TMEM267: variants seen among roughly 807,000 people sequenced by gnomAD.
The protein encoded by TMEM267 is transmembrane protein 267.
A neutral mutation model predicts 19.3 loss-of-function variants in TMEM267; 20 were observed. That is an observed-to-expected ratio of 1.04 (90% CI 0.73 to 1.51). TMEM267 has a LOEUF of 1.51. TMEM267 is among the 40% of genes most tolerant of loss of function. The pLI, the probability that TMEM267 is intolerant of heterozygous loss-of-function variation, is 0.00. For synonymous variants in TMEM267, 88 were observed against 90.3 expected (o/e 0.97, Z 0.15); for missense variants, 242 against 261.9 (o/e 0.92, Z 0.52).
In TMEM267 at chr5:43,483,865, C is replaced by A. The variant is rs1008730070; in HGVS notation, c.-118G>T. The A allele has an allele frequency of 6.6e-6, 1 of 152,290 alleles. No individual in the cohort carries two copies. Among genetic ancestry groups the A allele is most frequent in the African/African-American group, 2.4e-5 (1 of 41,438 alleles). 9.4% of individuals were successfully genotyped at this position (152,290 alleles called of 1,614,324 possible). A position where few individuals can be genotyped will look rare whatever the true frequency, so the allele number is the denominator to read the frequency against. ...AATCCAGCAGCAGCTCGAGCAGCGG[C>A]TCCGCCCCTCGGTCGGAGCCATAGA... On this transcript the variant is annotated 5_prime_UTR_variant, in exon 1 of 3. Coordinates refer to ENST00000397080, the MANE Select transcript of TMEM267 (RefSeq NM_022483.5).
chr5:43,461,298 T>A (rs6451699), intron 1 of TMEM267, among the ~76,000 whole-genome samples: 73,922 of 151,952 alleles, frequency 0.49, 18,835 homozygotes, highest in Middle Eastern at 0.63. Flanking sequence ...AGGTACTACA[T>A]CAAGGGCCTT....
chr5:43,452,477 TA>T (rs1742662660), intron 2 of TMEM267, among the ~76,000 whole-genome samples: 1 of 150,854 alleles, frequency 6.6e-6, no homozygotes, highest in Non-Finnish European at 1.5e-5. Context: ...AGGTGAGAGA[TA>T]AAATACTATT....
chr5:43,471,245 T>C (rs1228937445), intron 1 of TMEM267, among the ~76,000 whole-genome samples: 1 of 151,920 alleles, frequency 6.6e-6, no homozygotes, highest in African/African-American at 2.4e-5. Flanking sequence ...AAGTGAAAGA[T>C]TTCTATAATG....
chr5:43,464,778 T>C (rs1743532731), intron 1 of TMEM267, among the ~76,000 whole-genome samples: 1 of 152,218 alleles, frequency 6.6e-6, no homozygotes, highest in Non-Finnish European at 1.5e-5. Context: ...ACTGGATCCC[T>C]TCCTTACACC....
chr5:43,471,266 A>G (rs1468516599), intron 1 of TMEM267, among the ~76,000 whole-genome samples: 3 of 152,158 alleles, frequency 2.0e-5, no homozygotes, highest in African/African-American at 7.2e-5. Flanking sequence ...GAAAGTATAA[A>G]ACAGTGAAGA....
At chr5:43,462,166 T>C (rs760355204) in intron 1 of TMEM267, among the ~76,000 whole-genome samples, 4 of 152,172 alleles carry the variant, frequency 2.6e-5, no homozygotes, top group Non-Finnish European at 4.4e-5. Context: ...TTCTCCCATA[T>C]CTTGTCCATG....
chr5:43,474,160 C>T (rs1431326595), intron 1 of TMEM267, among the ~76,000 whole-genome samples: 1 of 152,118 alleles, frequency 6.6e-6, no homozygotes, highest in Admixed American at 6.5e-5. Context: ...ACCATAAAAA[C>T]CCAAGAAGAA....
At chr5:43,481,664 A>G (rs1744777173) in intron 1 of TMEM267, among the ~76,000 whole-genome samples, 1 of 152,076 alleles carries the variant, frequency 6.6e-6, no homozygotes. Context: ...TTGCTGATGA[A>G]AGAGGAAGGA....
intron 1 of TMEM267, among the ~76,000 whole-genome samples, chr5:43,468,450 T>C (rs1743879038): frequency 6.6e-6 from 1 of 152,078 alleles, no homozygotes; most frequent in Admixed American, 6.6e-5. Context: ...GGAGAGTCCA[T>C]TCAGGTGGAA....
At chr5:43,468,629 G>GGAT (rs1330002920) in intron 1 of TMEM267, among the ~76,000 whole-genome samples, 2 of 152,172 alleles carry the variant, frequency 1.3e-5, no homozygotes, top group African/African-American at 4.8e-5. Flanking sequence ...GCTGTGTTAT[G>GGAT]GATGCATCCT....
intron 1 of TMEM267, among the ~76,000 whole-genome samples, chr5:43,472,335 C>G (rs1319158117): frequency 6.6e-6 from 1 of 152,038 alleles, no homozygotes; most frequent in East Asian, 1.9e-4. Context: ...CTTGTACTCT[C>G]TTGGTGGGAA....
chr5:43,453,511 G>A, intron 2 of TMEM267, 147 bp downstream of exon 2: 4 of 689,356 alleles, frequency 5.8e-6, no homozygotes, highest in Non-Finnish European at 9.7e-6. Context: ...TGCATCTTTA[G>A]GCAAGTACTA....
In TMEM267 at chr5:43,445,136, T is replaced by C. The variant is rs1214738877; in HGVS notation, c.*1086A>G. 1 of 152,108 alleles carries C rather than the reference T, an allele frequency of 6.6e-6. No individual in the cohort carries two copies. Among genetic ancestry groups the C allele is most frequent in the Non-Finnish European group, 1.5e-5 (1 of 68,006 alleles). 9.4% of individuals were successfully genotyped at this position (152,108 alleles called of 1,614,324 possible). On this transcript the variant is annotated 3_prime_UTR_variant, in exon 3 of 3. Transcript: ENST00000397080. ...CACTGACTTTAATAAACTGTGCAAA[T>C]ATAAGATGTATAGCAACTAAATTTT...
At chr5:43,466,911 A>C (rs1332054892) in intron 1 of TMEM267, among the ~76,000 whole-genome samples, 1 of 152,070 alleles carries the variant, frequency 6.6e-6, no homozygotes, top group Non-Finnish European at 1.5e-5. Context: ...CACTTTGGGA[A>C]AGCAAGGTGA....
In TMEM267 at chr5:43,444,622, T is replaced by C. The variant is rs1426685985; in HGVS notation, c.*1600A>G. The C allele has an allele frequency of 6.6e-6, 1 of 152,152 alleles. No individual in the cohort carries two copies. Among genetic ancestry groups the C allele is most frequent in the Admixed American group, 6.6e-5 (1 of 15,264 alleles). The allele number at this position is 152,152 out of a possible 1,614,324, so 9.4% of individuals were successfully genotyped here. A position where few individuals can be genotyped will look rare whatever the true frequency, so the allele number is the denominator to read the frequency against. ...GGCCCTATATTTTTAATAATATTTA[T>C]TTGTTTAATATGAAGAAAGAAAAAG... On this transcript the variant is annotated 3_prime_UTR_variant, in exon 3 of 3. Coordinates refer to ENST00000397080, the MANE Select transcript of TMEM267 (RefSeq NM_022483.5).
chr5:43,481,603 T>C (rs1237043854), intron 1 of TMEM267, among the ~76,000 whole-genome samples: 3 of 152,076 alleles, frequency 2.0e-5, no homozygotes, highest in Non-Finnish European at 4.4e-5. Flanking sequence ...ATATATTATA[T>C]ATAATGGGTA....
At chr5:43,467,389 G>C (rs1043773840) in intron 1 of TMEM267, among the ~76,000 whole-genome samples, 1 of 151,964 alleles carries the variant, frequency 6.6e-6, no homozygotes, top group African/African-American at 2.4e-5. Context: ...TGAAGGGATG[G>C]GAAAAGATAT....
chr5:43,470,957 A>G (rs1211457034), intron 1 of TMEM267, among the ~76,000 whole-genome samples: 1 of 152,166 alleles, frequency 6.6e-6, no homozygotes, highest in Admixed American at 6.5e-5. Context: ...AATAAATAAA[A>G]TTGAAATAAA....
At chr5:43,455,331 G>A (rs766287625) in intron 1 of TMEM267, among the ~76,000 whole-genome samples, 1 of 151,972 alleles carries the variant, frequency 6.6e-6, no homozygotes, top group Non-Finnish European at 1.5e-5. Flanking sequence ...GCTGAGGTGG[G>A]AGGATCGCTT....
Sources: allele counts gnomAD v4.1 joint callset (sites outside exome capture counted in the v4.1 genomes callset), GRCh38; gene constraint gnomAD v4.1.1; transcripts MANE v1.5; gene names NCBI Gene and HGNC (gene_info 2026-07-23, HGNC 2026-07-21).